Variants in ALDH18A1 observed in about 807,000 individuals in gnomAD.
ALDH18A1 encodes delta-1-pyrroline-5-carboxylate synthase.
A neutral mutation model predicts 88.8 loss-of-function variants in ALDH18A1; 44 were observed. That is an observed-to-expected ratio of 0.50 (90% CI 0.39 to 0.64). The LOEUF (loss-of-function observed/expected upper bound fraction) is 0.64, where lower values mean the gene tolerates loss of function less well. ALDH18A1 is among the 30% of genes least tolerant of loss of function. ALDH18A1 has a pLI of 0.00. For synonymous variants in ALDH18A1, 331 were observed against 372.1 expected, an observed-to-expected ratio of 0.89 and a Z score of 1.27; for missense variants, 782 against 1,009.5, an observed-to-expected ratio of 0.77 and a Z score of 3.05.
chr10:95,615,638 C>A (rs188143666), intron 13 of ALDH18A1, among the ~76,000 whole-genome samples: 2 of 152,242 alleles, frequency 1.3e-5, no homozygotes, highest in Admixed American at 6.5e-5. Context: ...CTAAAATCTG[C>A]GCTCTTTCCA....
chr10:95,626,482 T>C (rs1207226901), intron 10 of ALDH18A1, among the ~76,000 whole-genome samples: 1 of 152,022 alleles, frequency 6.6e-6, no homozygotes, highest in East Asian at 1.9e-4. Context: ...CAAAACATCA[T>C]AGTGATGAAA....
chr10:95,611,872 CAGG>C (rs1366998812), intron 15 of ALDH18A1, among the ~76,000 whole-genome samples: 1 of 151,728 alleles, frequency 6.6e-6, no homozygotes, highest in East Asian at 1.9e-4. Flanking sequence ...GAGGTTCAAG[CAGG>C]AGGAGAACTG....
At chr10:95,653,474 T>C in intron 1 of ALDH18A1, 69 bp from the exon 2 acceptor site, 1 of 1,317,748 alleles carries the variant, frequency 7.6e-7, no homozygotes. Flanking sequence ...TTCCCTCTAC[T>C]TCCCCTTACC....
At chr10:95,632,004 T>TA (rs1298303027) in intron 7 of ALDH18A1, among the ~76,000 whole-genome samples, 1 of 152,030 alleles carries the variant, frequency 6.6e-6, no homozygotes, top group African/African-American at 2.4e-5. Flanking sequence ...AACTGATAAA[T>TA]AAAACATGGT....
In ALDH18A1 at chr10:95,610,201, T is replaced by G; in HGVS notation, c.2202A>C (p.Gly734=). ...STRFSDGYRF[G]LGAEVGISTS... Reference sequence around the variant, plus strand: ...CCCAACCAGAGTCTTTCTTACCCAGTCCAAAGCGGTAACCATCAGAAAAGC... The same window carrying G: ...CCCAACCAGAGTCTTTCTTACCCAGGCCAAAGCGGTAACCATCAGAAAAGC... The change falls in exon 17 of 18, where the codon GGA becomes GGC. Residue 734 remains glycine (G), a synonymous_variant. Transcript: ENST00000371224. 1 of 1,613,914 alleles carries G rather than the reference T, an allele frequency of 6.2e-7. No individual in the cohort carries two copies. Among genetic ancestry groups the G allele is most frequent in the Non-Finnish European group, 8.5e-7 (1 of 1,179,862 alleles).
chr10:95,620,289 C>T (rs2097850158), intron 12 of ALDH18A1, among the ~76,000 whole-genome samples: 1 of 152,162 alleles, frequency 6.6e-6, no homozygotes, highest in African/African-American at 2.4e-5. Flanking sequence ...AAACAAGATG[C>T]TGGAGAGGAT....
At chr10:95,614,844 A>T (rs1260078954) in intron 13 of ALDH18A1, among the ~76,000 whole-genome samples, 1 of 152,238 alleles carries the variant, frequency 6.6e-6, no homozygotes, top group Non-Finnish European at 1.5e-5. Context: ...CCAAAACTGG[A>T]AACAATCTAA....
At chr10:95,631,465 C>T (rs148132997) in intron 7 of ALDH18A1, among the ~76,000 whole-genome samples, 1,689 of 152,178 alleles carry the variant, frequency 0.011, 13 homozygotes, top group Non-Finnish European at 0.014. Context: ...ACTGAATAGG[C>T]CGGGCGCGGT....
chr10:95,630,630 G>A (rs1446182290), intron 7 of ALDH18A1, among the ~76,000 whole-genome samples: 1 of 152,142 alleles, frequency 6.6e-6, no homozygotes. Context: ...AGAATCGCTT[G>A]AACCCAGGAG....
chr10:95,631,992 T>A (rs748901104), intron 7 of ALDH18A1, among the ~76,000 whole-genome samples: 25 of 152,138 alleles, frequency 1.6e-4, no homozygotes, highest in Non-Finnish European at 3.2e-4. Context: ...CATCAATAGA[T>A]GAACTGATAA....
In ALDH18A1 at chr10:95,611,315, G is replaced by T. The variant is rs1382975082; in HGVS notation, c.2051C>A (p.Ala684Asp). The T allele has an allele frequency of 7.4e-6, 12 of 1,614,180 alleles. No individual in the cohort carries two copies. The highest frequency in any genetic ancestry group is 1.0e-5 in the Non-Finnish European group (12 of 1,180,028). ...GCCATACTTGTGGATGTGGTCAATG[G>T]CATCCTGAACGTTGTCCACTACTTC... ...CIEVVDNVQD[A>D]IDHIHKYGSS... The change falls in exon 16 of 18, where the codon GCC becomes GAC. Residue 684 changes from alanine (A) to aspartate (D), a missense_variant. Ala to Asp is a moderately radical substitution (Grantham distance 126). Transcript: ENST00000371224.
At chr10:95,630,547 C>A (rs2097867283) in intron 7 of ALDH18A1, among the ~76,000 whole-genome samples, 3 of 151,974 alleles carry the variant, frequency 2.0e-5, no homozygotes, top group African/African-American at 7.2e-5. Context: ...CCCTTCTCTA[C>A]TAAAAATACA....
At position 95,606,521 on chromosome 10, in the gene ALDH18A1, TG is replaced by T. The variant is rs1230224728; in HGVS notation, c.*240del. ...TTCAATCCTAGAAGATAATTGGACT[TG>T]GCAAAGTCCCTATCGGTAGCAACTA... On this transcript the variant is annotated 3_prime_UTR_variant, in exon 18 of 18. Coordinates refer to ENST00000371224, the MANE Select transcript of ALDH18A1 (RefSeq NM_002860.4). The T allele has an allele frequency of 2.6e-5, 35 of 1,369,866 alleles. No homozygotes were observed. The East Asian group carries it at 7.0e-4, about 27-fold the overall frequency. 84.9% of individuals were successfully genotyped at this position (1,369,866 alleles called of 1,614,324 possible).
chr10:95,626,266 C>T (rs907247465), intron 10 of ALDH18A1, among the ~76,000 whole-genome samples: 7 of 152,118 alleles, frequency 4.6e-5, no homozygotes, highest in Non-Finnish European at 7.4e-5. Flanking sequence ...CCACTTCCAG[C>T]CTCATCATGT....
chr10:95,628,504 A>T lies in ALDH18A1; in HGVS notation c.809-12T>A, dbSNP rs777274822. 3 of 1,611,932 alleles carry T rather than the reference A, an allele frequency of 1.9e-6. No individual in the cohort carries two copies. Among genetic ancestry groups the T allele is most frequent in the Non-Finnish European group, 1.7e-6 (2 of 1,179,850 alleles). Reference sequence around the variant, plus strand: ...GCTGTCAAAAAGGCCTAAAAAATAGACAAGAGTCAGTAATACTGCTTTGAT... The same window carrying T: ...GCTGTCAAAAAGGCCTAAAAAATAGTCAAGAGTCAGTAATACTGCTTTGAT... On this transcript the variant is annotated splice_polypyrimidine_tract_variant and intron_variant, in intron 7 of 17. Transcript: ENST00000371224.
At chr10:95,627,900 A>G (rs1009320907) in intron 8 of ALDH18A1, among the ~76,000 whole-genome samples, 1 of 152,240 alleles carries the variant, frequency 6.6e-6, no homozygotes, top group African/African-American at 2.4e-5. Flanking sequence ...AATTAAGTAG[A>G]CCAACAGGCT....
chr10:95,610,094 C>T, intron 17 of ALDH18A1, 103 bp downstream of exon 17: 1 of 1,115,242 alleles, frequency 9.0e-7, no homozygotes, highest in Non-Finnish European at 1.3e-6. Context: ...CTTGACCAAG[C>T]ATGTGACAGT....
chr10:95,646,516 G>A (rs1204931043), intron 2 of ALDH18A1, among the ~76,000 whole-genome samples: 2 of 152,072 alleles, frequency 1.3e-5, no homozygotes, highest in Middle Eastern at 3.2e-3. Flanking sequence ...TAGCACAAAG[G>A]AGAGCTTCAG....
chr10:95,633,565 T>C lies in ALDH18A1; in HGVS notation c.643A>G (p.Ile215Val), dbSNP rs2097874752. The stretch of plus-strand genomic sequence containing the variant: ...TCATTTGTGTTGACAATGGGGACAA[T>C]GTTCATTCTAAGGAGTTCATGAAGT... ...GTLHELLRMN[I>V]VPIVNTNDAV... Residue 215 changes from isoleucine to valine, a missense_variant, in exon 6 of 18, where the codon ATT becomes GTT. Physicochemically the swap from Ile to Val is conservative, Grantham distance 29. This residue lies in a region of ALDH18A1 where 132 missense variants were observed against 255.5 expected (regional missense o/e 0.52). Transcript: ENST00000371224. 1 of 1,614,116 alleles carries C rather than the reference T, an allele frequency of 6.2e-7. No individual in the cohort carries two copies. Among genetic ancestry groups the C allele is most frequent in the Non-Finnish European group, 8.5e-7 (1 of 1,180,028 alleles).
Sources: allele counts gnomAD v4.1 joint callset (sites outside exome capture counted in the v4.1 genomes callset), GRCh38; gene constraint gnomAD v4.1.1; regional missense constraint gnomAD v4.1.1; transcripts MANE v1.5; gene names NCBI Gene and HGNC (gene_info 2026-07-23, HGNC 2026-07-21).